The following SLC71A2 variants were observed in gnomAD, a reference collection of about 807,000 sequenced individuals.
SLC71A2 encodes the protein solute carrier family 71 member 2.
chr9:94,455,622 T>C, the SLC71A2 span, among the ~76,000 whole-genome samples: 1 of 152,170 alleles, frequency 6.6e-6, no homozygotes, highest in Non-Finnish European at 1.5e-5. Context: ...CATGTAGTGT[T>C]AAAAAGACTT....
At chr9:94,379,367 T>C in the SLC71A2 span, among the ~76,000 whole-genome samples, 1 of 146,364 alleles carries the variant, frequency 6.8e-6, no homozygotes, top group Admixed American at 6.8e-5. Context: ...ATTACAGGCG[T>C]GAGCCACTGC....
the SLC71A2 span, among the ~76,000 whole-genome samples, chr9:94,389,539 AAAGTGCTGGGATTAC>A: frequency 6.6e-6 from 1 of 151,280 alleles, no homozygotes; most frequent in Non-Finnish European, 1.5e-5. Flanking sequence ...TTGGCCTCCC[AAAGTGCTGGGATTAC>A]AGGTGTGAAC....
At chr9:94,432,288 G>A in the SLC71A2 span, among the ~76,000 whole-genome samples, 3 of 152,018 alleles carry the variant, frequency 2.0e-5, no homozygotes, top group African/African-American at 7.2e-5. Flanking sequence ...ATCACCTGAG[G>A]TTGGGAGTTT....
chr9:94,456,757 A>G, the SLC71A2 span, among the ~76,000 whole-genome samples: 2 of 152,184 alleles, frequency 1.3e-5, no homozygotes, highest in Non-Finnish European at 2.9e-5. Flanking sequence ...AGCTTAATTT[A>G]GAAAATAGTT....
chr9:94,399,908 C>T, the SLC71A2 span, among the ~76,000 whole-genome samples: 2 of 151,338 alleles, frequency 1.3e-5, no homozygotes, highest in African/African-American at 4.9e-5. Context: ...TGGGTTCATG[C>T]GATTCTCCTG....
the SLC71A2 span, among the ~76,000 whole-genome samples, chr9:94,406,111 A>G: frequency 1.1e-5 from 1 of 91,512 alleles, no homozygotes; most frequent in Non-Finnish European, 1.9e-5. Context: ...ACTCTTGCCC[A>G]GGCTGGAGTG....
chr9:94,445,957 A>G, the SLC71A2 span, among the ~76,000 whole-genome samples: 2 of 152,182 alleles, frequency 1.3e-5, no homozygotes, highest in African/African-American at 4.8e-5. Context: ...CAAAAGAAAT[A>G]TTTAGAGAAG....
At chr9:94,403,552 T>C in the SLC71A2 span, among the ~76,000 whole-genome samples, 1 of 151,868 alleles carries the variant, frequency 6.6e-6, no homozygotes, top group Non-Finnish European at 1.5e-5. Context: ...ACATGTACCA[T>C]ATTTTGTTTA....
chr9:94,419,396 C>T, the SLC71A2 span, among the ~76,000 whole-genome samples: 4 of 151,050 alleles, frequency 2.6e-5, no homozygotes, highest in Admixed American at 2.0e-4. Flanking sequence ...TGGATTCGAG[C>T]GATTCTCCTG....
the SLC71A2 span, chr9:94,433,408 C>T: frequency 2.7e-5 from 4 of 150,774 alleles, no homozygotes; most frequent in East Asian, 1.9e-4. Context: ...CACGGTGGCT[C>T]ATGCCTGTAA....
chr9:94,419,115 T>G, the SLC71A2 span, among the ~76,000 whole-genome samples: 794 of 151,918 alleles, frequency 5.2e-3, 5 homozygotes, highest in African/African-American at 0.018. Flanking sequence ...TTTGCAATTT[T>G]GGGTTTTTTT....
the SLC71A2 span, chr9:94,432,670 C>G: frequency 3.9e-6 from 1 of 256,876 alleles, no homozygotes; most frequent in Non-Finnish European, 8.0e-6. Context: ...ACCCATACCT[C>G]TGTTGAAGGA....
At chr9:94,457,031 A>G in the SLC71A2 span, among the ~76,000 whole-genome samples, 3 of 149,550 alleles carry the variant, frequency 2.0e-5, no homozygotes, top group Admixed American at 6.7e-5. Flanking sequence ...TAGTGGTACA[A>G]TCTTGGCTCC....
the SLC71A2 span, among the ~76,000 whole-genome samples, chr9:94,415,433 A>G: frequency 6.6e-6 from 1 of 151,580 alleles, no homozygotes; most frequent in Non-Finnish European, 1.5e-5. Flanking sequence ...AACACAAAAC[A>G]CCTCTTTAAA....
At chr9:94,409,468 A>G in the SLC71A2 span, among the ~76,000 whole-genome samples, 1 of 151,462 alleles carries the variant, frequency 6.6e-6, no homozygotes, top group Non-Finnish European at 1.5e-5. Flanking sequence ...ATTTTTCTGT[A>G]TTGCTTTTCT....
the SLC71A2 span, among the ~76,000 whole-genome samples, chr9:94,424,093 T>G: frequency 1.3e-5 from 2 of 152,220 alleles, no homozygotes; most frequent in Non-Finnish European, 2.9e-5. Flanking sequence ...AATTCTTCTT[T>G]CCCCACTGTA....
At chr9:94,457,314 A>G in the SLC71A2 span, among the ~76,000 whole-genome samples, 5 of 151,954 alleles carry the variant, frequency 3.3e-5, no homozygotes, top group Admixed American at 6.6e-5. Context: ...TTCCTTCTCT[A>G]TCTCCTAATG....
At chr9:94,458,486 T>A in the SLC71A2 span, 1 of 1,611,358 alleles carries the variant, frequency 6.2e-7, no homozygotes, top group Non-Finnish European at 8.5e-7. Context: ...ATAAGTCTAG[T>A]TTTGTAACAA....
At chr9:94,385,587 C>G in the SLC71A2 span, among the ~76,000 whole-genome samples, 1 of 151,996 alleles carries the variant, frequency 6.6e-6, no homozygotes, top group Non-Finnish European at 1.5e-5. Flanking sequence ...CTTTCACATG[C>G]CAAAAATTAG....
Sources: gnomAD v4.1 joint callset for allele counts (sites outside exome capture counted in the v4.1 genomes callset) on GRCh38, gnomAD v4.1.1 for gene constraint, MANE v1.5 for transcripts, NCBI Gene and HGNC (gene_info 2026-07-23, HGNC 2026-07-21) for gene names.